Variants in LRRC4C observed in about 807,000 individuals in gnomAD.
The protein encoded by LRRC4C is leucine rich repeat containing 4C, also known as leucine-rich repeat-containing protein 4C.
A neutral mutation model predicts 33.6 loss-of-function variants in LRRC4C; 5 were observed. That is an observed-to-expected ratio of 0.15 (90% confidence interval 0.08 to 0.31). The LOEUF is 0.31. Ranked by LOEUF, LRRC4C falls within the 10% of genes least tolerant of loss-of-function variation. The pLI is 1.00. For missense variants in LRRC4C, 560 were observed against 796.7 expected (o/e 0.70, Z 3.58); for synonymous variants, 329 against 302.0 (o/e 1.09, Z -0.93).
chr11:40,184,789 C>A (rs531212411), intron 5 of LRRC4C, among the ~76,000 whole-genome samples: 131 of 152,136 alleles, frequency 8.6e-4, no homozygotes, highest in Middle Eastern at 6.8e-3. Flanking sequence ...AATCTCACAC[C>A]CAAGAATCTT....
intron 2 of LRRC4C, among the ~76,000 whole-genome samples, chr11:40,758,395 A>G (rs998659729): frequency 6.6e-6 from 1 of 151,998 alleles, no homozygotes; most frequent in Non-Finnish European, 1.5e-5. Flanking sequence ...GCCTGGAGAA[A>G]TGAAGTTCCT....
intron 3 of LRRC4C, among the ~76,000 whole-genome samples, chr11:40,420,553 T>G (rs1355131334): frequency 1.3e-5 from 2 of 152,208 alleles, no homozygotes; most frequent in African/African-American, 4.8e-5. Context: ...TTGGTTTTTC[T>G]TCTTGGGGGA....
chr11:40,501,556 A>G (rs935909710), intron 3 of LRRC4C, among the ~76,000 whole-genome samples: 1 of 152,190 alleles, frequency 6.6e-6, no homozygotes, highest in Non-Finnish European at 1.5e-5. Flanking sequence ...GAAAGCTGCC[A>G]AGGCTTGGGG....
intron 4 of LRRC4C, among the ~76,000 whole-genome samples, chr11:40,316,626 G>T (rs111348375): frequency 6.6e-6 from 1 of 151,934 alleles, no homozygotes; most frequent in Non-Finnish European, 1.5e-5. Context: ...ATCTCTAGGC[G>T]TTTAATAAAC....
chr11:41,450,515 C>T (rs567224293), intron 1 of LRRC4C, among the ~76,000 whole-genome samples: 46 of 152,244 alleles, frequency 3.0e-4, no homozygotes, highest in African/African-American at 8.7e-4. Flanking sequence ...TGTAGACAGA[C>T]GCAACTAGGC....
chr11:40,896,175 G>A (rs1955931072), intron 2 of LRRC4C, among the ~76,000 whole-genome samples: 1 of 152,124 alleles, frequency 6.6e-6, no homozygotes, highest in African/African-American at 2.4e-5. Flanking sequence ...TTGCTTAGAA[G>A]TTTGATCAGC....
chr11:40,323,418 T>C (rs1039139757), intron 3 of LRRC4C, among the ~76,000 whole-genome samples: 3 of 152,216 alleles, frequency 2.0e-5, no homozygotes, highest in Admixed American at 6.5e-5. Flanking sequence ...GGACGATGTC[T>C]CTTCTTGCCA....
At chr11:40,694,021 A>G (rs1251552491) in intron 2 of LRRC4C, among the ~76,000 whole-genome samples, 3 of 152,278 alleles carry the variant, frequency 2.0e-5, no homozygotes, top group African/African-American at 7.2e-5. Context: ...CGTGAAAAAC[A>G]AAACAATTGC....
intron 1 of LRRC4C, among the ~76,000 whole-genome samples, chr11:41,119,740 A>G (rs906445960): frequency 5.3e-5 from 8 of 152,158 alleles, no homozygotes; most frequent in African/African-American, 1.9e-4. Context: ...GATGGCTTTC[A>G]TGTTTGCTCT....
chr11:41,357,897 A>G (rs1010120751), intron 1 of LRRC4C, among the ~76,000 whole-genome samples: 3 of 152,142 alleles, frequency 2.0e-5, no homozygotes, highest in African/African-American at 7.2e-5. Flanking sequence ...GTGGATGTTG[A>G]CAAACTGATT....
intron 3 of LRRC4C, among the ~76,000 whole-genome samples, chr11:40,372,898 A>G (rs1948510622): frequency 1.3e-5 from 2 of 149,362 alleles, no homozygotes; most frequent in African/African-American, 5.2e-5. Context: ...CCCACAACAG[A>G]TTAGTTTTAA....
intron 1 of LRRC4C, among the ~76,000 whole-genome samples, chr11:41,058,409 T>G (rs1858799353): frequency 6.6e-6 from 1 of 152,234 alleles, no homozygotes; most frequent in South Asian, 2.1e-4. Context: ...GGCTCACTCA[T>G]GCACCCCTTA....
intron 1 of LRRC4C, among the ~76,000 whole-genome samples, chr11:41,303,079 G>GTCCCTCTCCCTCTCCCTCTCCCTC (rs142390416): frequency 2.0e-4 from 21 of 104,112 alleles, no homozygotes; most frequent in African/African-American, 5.4e-4. Flanking sequence ...TACTGCATTA[G>GTCCCTCTCCCTCTCCCTCTCCCTC]TCCCTCTCCC....
intron 1 of LRRC4C, among the ~76,000 whole-genome samples, chr11:41,247,502 TTTTA>T (rs753262747): frequency 3.2e-4 from 49 of 152,198 alleles, no homozygotes; most frequent in Non-Finnish European, 5.3e-4. Context: ...AATGATGTCT[TTTTA>T]CTACATTTTA....
intron 1 of LRRC4C, among the ~76,000 whole-genome samples, chr11:40,975,454 T>G (rs1852016902): frequency 6.6e-6 from 1 of 152,232 alleles, no homozygotes; most frequent in Non-Finnish European, 1.5e-5. Flanking sequence ...TTCTCAATGC[T>G]CTTTCTTCAG....
intron 2 of LRRC4C, among the ~76,000 whole-genome samples, chr11:40,828,676 C>T (rs1952272798): frequency 6.6e-6 from 1 of 151,856 alleles, no homozygotes; most frequent in African/African-American, 2.4e-5. Flanking sequence ...GCTGTTCTGG[C>T]TCTACCACTA....
chr11:40,584,559 AT>A (rs1958624368), intron 3 of LRRC4C, among the ~76,000 whole-genome samples: 1 of 152,096 alleles, frequency 6.6e-6, no homozygotes, highest in Non-Finnish European at 1.5e-5. Flanking sequence ...TGGAAAAACA[AT>A]TTGTCATCGG....
chr11:41,261,050 G>A (rs561494703), intron 1 of LRRC4C, among the ~76,000 whole-genome samples: 2 of 152,174 alleles, frequency 1.3e-5, no homozygotes, highest in South Asian at 4.2e-4. Flanking sequence ...TGTTTTGAAA[G>A]TTTGTGCTCC....
At chr11:41,269,379 C>T (rs950209080) in intron 1 of LRRC4C, among the ~76,000 whole-genome samples, 3 of 151,952 alleles carry the variant, frequency 2.0e-5, no homozygotes, top group Non-Finnish European at 4.4e-5. Context: ...TGAACACACC[C>T]AGACTGAGAG....
Sources: gnomAD v4.1 joint callset for allele counts (sites outside exome capture counted in the v4.1 genomes callset) on GRCh38, gnomAD v4.1.1 for gene constraint, MANE v1.5 for transcripts, NCBI Gene and HGNC (gene_info 2026-07-23, HGNC 2026-07-21) for gene names.